SLC25A21: variants seen among roughly 807,000 people sequenced by gnomAD.
SLC25A21 encodes mitochondrial 2-oxodicarboxylate carrier.
In SLC25A21, 47 loss-of-function variants were observed where a neutral mutation model predicts 43.8. The ratio of observed to expected loss-of-function variants is 1.07; its 90% CI spans 0.85 to 1.37. The LOEUF (loss-of-function observed/expected upper bound fraction) is 1.37, where lower values mean the gene tolerates loss of function less well. SLC25A21 is among the 40% of genes most tolerant of loss of function. The pLI, the probability that SLC25A21 is intolerant of heterozygous loss-of-function variation, is 0.00. For missense variants in SLC25A21, 352 were observed against 350.2 expected, an observed-to-expected ratio of 1.00 and a Z score of -0.04; for synonymous variants, 131 against 121.3, an observed-to-expected ratio of 1.08 and a Z score of -0.52.
At chr14:36,880,359 G>C (rs1447278737) in intron 1 of SLC25A21, among the ~76,000 whole-genome samples, 1 of 152,144 alleles carries the variant, frequency 6.6e-6, no homozygotes, top group Admixed American at 6.6e-5. Context: ...ACTCATGTTG[G>C]AGAAAAATTT....
chr14:37,036,214 G>A (rs914206353), intron 1 of SLC25A21, among the ~76,000 whole-genome samples: 23 of 151,504 alleles, frequency 1.5e-4, no homozygotes, highest in African/African-American at 5.1e-4. Context: ...TTCCTTTTTT[G>A]GAACACTTTT....
At chr14:36,798,710 T>C (rs1236316551) in intron 3 of SLC25A21, among the ~76,000 whole-genome samples, 4 of 152,156 alleles carry the variant, frequency 2.6e-5, no homozygotes, top group Non-Finnish European at 4.4e-5. Flanking sequence ...TATCTTTTTG[T>C]AGCTGGAATA....
intron 1 of SLC25A21, among the ~76,000 whole-genome samples, chr14:37,007,179 C>T (rs1484249073): frequency 1.3e-5 from 2 of 152,324 alleles, no homozygotes; most frequent in South Asian, 2.1e-4. Flanking sequence ...CAGTCTAACA[C>T]ATTGTTATTC....
At chr14:36,900,716 G>A (rs949612199) in intron 1 of SLC25A21, among the ~76,000 whole-genome samples, 2 of 152,178 alleles carry the variant, frequency 1.3e-5, no homozygotes, top group Admixed American at 6.5e-5. Flanking sequence ...ATGTTAACTT[G>A]TGGATAAGGC....
chr14:36,808,544 G>A (rs1888123888), intron 3 of SLC25A21, among the ~76,000 whole-genome samples: 2 of 152,108 alleles, frequency 1.3e-5, no homozygotes, highest in Non-Finnish European at 2.9e-5. Flanking sequence ...GCCATTCACA[G>A]CCATTATTTC....
intron 1 of SLC25A21, among the ~76,000 whole-genome samples, chr14:37,044,320 T>C (rs1346425557): frequency 1.3e-5 from 2 of 152,136 alleles, no homozygotes; most frequent in African/African-American, 4.8e-5. Context: ...CCAATATATA[T>C]AAAATTACAT....
chr14:37,066,765 G>C (rs983374473), intron 1 of SLC25A21, among the ~76,000 whole-genome samples: 4 of 152,092 alleles, frequency 2.6e-5, no homozygotes, highest in Non-Finnish European at 5.9e-5. Context: ...TGGAGAGAGA[G>C]AGAAGGACAG....
At chr14:36,779,932 C>G (rs1018780902) in intron 3 of SLC25A21, among the ~76,000 whole-genome samples, 1 of 151,696 alleles carries the variant, frequency 6.6e-6, no homozygotes, top group Non-Finnish European at 1.5e-5. Flanking sequence ...TGTTGTAAGT[C>G]GAGCTGGCCT....
In SLC25A21 at chr14:36,853,542, G is replaced by A. The variant is rs180768135; in HGVS notation, c.119+21414C>T. ...CTCCCAGGACTCCTGCTACCAGCCC[G>A]GGTCATCAGCTCCCCGTTCCTGTGA... On this transcript the variant is annotated intron_variant, in intron 2 of 9. Coordinates refer to ENST00000331299, the MANE Select transcript of SLC25A21 (RefSeq NM_030631.4). Among the ~76,000 whole-genome samples the A allele has an allele frequency of 5.2e-3, 789 of 152,246 alleles. 7 individuals are homozygous for A. The highest frequency in any genetic ancestry group is 0.018 in the African/African-American group (743 of 41,542).
intron 6 of SLC25A21, among the ~76,000 whole-genome samples, chr14:36,723,854 G>C (rs931738383): frequency 6.6e-6 from 1 of 152,192 alleles, no homozygotes; most frequent in Non-Finnish European, 1.5e-5. Flanking sequence ...ATGCTGCCTA[G>C]ATAAAGAATT....
chr14:37,137,130 T>C (rs1010713361), intron 1 of SLC25A21, among the ~76,000 whole-genome samples: 3 of 152,198 alleles, frequency 2.0e-5, no homozygotes, highest in Non-Finnish European at 4.4e-5. Context: ...CCTGAGTAGC[T>C]GGGACTACAG....
chr14:37,096,858 T>C (rs190414634), intron 1 of SLC25A21, among the ~76,000 whole-genome samples: 33 of 152,216 alleles, frequency 2.2e-4, no homozygotes, highest in African/African-American at 6.7e-4. Flanking sequence ...CACCTCAGGA[T>C]TGGTCAGTCG....
At chr14:36,851,245 G>A (rs1401966428) in intron 2 of SLC25A21, among the ~76,000 whole-genome samples, 2 of 152,114 alleles carry the variant, frequency 1.3e-5, no homozygotes, top group African/African-American at 4.8e-5. Flanking sequence ...TAATTTCAGT[G>A]GCTGAAGAAA....
At chr14:37,097,302 T>C (rs1426307052) in intron 1 of SLC25A21, 1 of 152,062 alleles carries the variant, frequency 6.6e-6, no homozygotes, top group Non-Finnish European at 1.5e-5. Flanking sequence ...CATTTCGCCA[T>C]GTTACCCAAG....
At chr14:37,089,071 C>T (rs1962536135) in intron 1 of SLC25A21, among the ~76,000 whole-genome samples, 1 of 152,106 alleles carries the variant, frequency 6.6e-6, no homozygotes, top group Admixed American at 6.6e-5. Context: ...TCAAATTTCA[C>T]CCCTTTTAAA....
At chr14:36,751,010 T>C (rs902287894) in intron 3 of SLC25A21, among the ~76,000 whole-genome samples, 1 of 152,300 alleles carries the variant, frequency 6.6e-6, no homozygotes, top group Non-Finnish European at 1.5e-5. Context: ...CCCCCGAAGA[T>C]GGGCGGGCTA....
chr14:37,143,572 ATGTGTCTGTTCATTAGCG>A (rs1963606135), intron 1 of SLC25A21, among the ~76,000 whole-genome samples: 1 of 148,010 alleles, frequency 6.8e-6, no homozygotes. Flanking sequence ...AGGCATTTTA[ATGTGTCTGTTCATTAGCG>A]TGTGTGTGTG....
At chr14:36,743,371 A>T (rs906747999) in intron 3 of SLC25A21, among the ~76,000 whole-genome samples, 1 of 151,984 alleles carries the variant, frequency 6.6e-6, no homozygotes, top group Non-Finnish European at 1.5e-5. Flanking sequence ...CCACTAGGAA[A>T]TAATAATCAT....
At chr14:36,742,963 T>A (rs568847448) in intron 3 of SLC25A21, among the ~76,000 whole-genome samples, 2 of 152,284 alleles carry the variant, frequency 1.3e-5, no homozygotes, top group South Asian at 4.1e-4. Context: ...ACCACAACAA[T>A]GAAATTTTTT....
Sources: gnomAD v4.1 joint callset for allele counts (sites outside exome capture counted in the v4.1 genomes callset) on GRCh38, gnomAD v4.1.1 for gene constraint, MANE v1.5 for transcripts, NCBI Gene and HGNC (gene_info 2026-07-23, HGNC 2026-07-21) for gene names.